Variants in MDGA2 observed in about 807,000 individuals in gnomAD.
MDGA2 encodes MAM domain containing glycosylphosphatidylinositol anchor 2, also known as MAM domain-containing glycosylphosphatidylinositol anchor protein 2.
In MDGA2, 40 loss-of-function variants were observed where a neutral mutation model predicts 117.8. The observed-to-expected ratio is 0.34, with a 90% CI of 0.26 to 0.44. The LOEUF (loss-of-function observed/expected upper bound fraction) is 0.44, where lower values mean the gene tolerates loss of function less well. Among genes scored for constraint, MDGA2 ranks in the 20% least tolerant of loss-of-function variants. The pLI is 1.00. For missense variants in MDGA2, 1,123 were observed against 1,250.6 expected, an observed-to-expected ratio of 0.90 and a Z score of 1.54; for synonymous variants, 452 against 439.0, an observed-to-expected ratio of 1.03 and a Z score of -0.37.
intron 3 of MDGA2, among the ~76,000 whole-genome samples, chr14:47,146,602 G>T (rs2139211610): frequency 6.6e-6 from 1 of 152,158 alleles, no homozygotes; most frequent in South Asian, 2.1e-4. Flanking sequence ...CTTGATAAAA[G>T]ATACTCTGAT....
chr14:47,607,970 T>A (rs1003380607), intron 1 of MDGA2, among the ~76,000 whole-genome samples: 4 of 152,124 alleles, frequency 2.6e-5, no homozygotes, highest in African/African-American at 9.7e-5. Context: ...CTGATAAACT[T>A]ACATTTATTG....
intron 1 of MDGA2, among the ~76,000 whole-genome samples, chr14:47,466,047 GCTCAGCAAA>G (rs1458753585): frequency 6.6e-6 from 1 of 152,068 alleles, no homozygotes; most frequent in Non-Finnish European, 1.5e-5. Flanking sequence ...AGGCTATTAT[GCTCAGCAAA>G]CTAGCACAAG....
intron 6 of MDGA2, among the ~76,000 whole-genome samples, chr14:47,089,776 T>C (rs1195180601): frequency 2.0e-5 from 3 of 151,916 alleles, no homozygotes; most frequent in Admixed American, 6.6e-5. Context: ...CTCCTGATCT[T>C]GTGATCCACC....
intron 1 of MDGA2, among the ~76,000 whole-genome samples, chr14:47,323,081 T>C (rs547153854): frequency 5.6e-5 from 8 of 144,016 alleles, no homozygotes; most frequent in African/African-American, 1.3e-4. Context: ...TTTTAAAGAC[T>C]AACCACCCAT....
chr14:46,928,143 T>C (rs1337668243), intron 9 of MDGA2, among the ~76,000 whole-genome samples: 1 of 152,166 alleles, frequency 6.6e-6, no homozygotes, highest in Non-Finnish European at 1.5e-5. Context: ...GAAATGATTT[T>C]ATTTAAAACA....
chr14:47,356,007 C>T (rs1299882386), intron 1 of MDGA2, among the ~76,000 whole-genome samples: 1 of 152,166 alleles, frequency 6.6e-6, no homozygotes, highest in Non-Finnish European at 1.5e-5. Flanking sequence ...ACTGGGTATA[C>T]ATCAAGAACT....
At chr14:47,592,972 T>C (rs1896469067) in intron 1 of MDGA2, among the ~76,000 whole-genome samples, 1 of 152,020 alleles carries the variant, frequency 6.6e-6, no homozygotes, top group South Asian at 2.1e-4. Flanking sequence ...GGGAGAAAAT[T>C]TTTGCAATCT....
chr14:47,354,902 G>C (rs1407494946), intron 1 of MDGA2, among the ~76,000 whole-genome samples: 2 of 151,986 alleles, frequency 1.3e-5, no homozygotes, highest in Non-Finnish European at 2.9e-5. Flanking sequence ...GTGTGTGGTG[G>C]GCGAGACATT....
At chr14:47,158,635 A>G (rs111370073) in intron 3 of MDGA2, among the ~76,000 whole-genome samples, 153 of 152,078 alleles carry the variant, frequency 1.0e-3, no homozygotes, top group African/African-American at 3.5e-3. Context: ...TTGTATTTGT[A>G]GTAGAGACGG....
At chr14:46,964,783 T>A (rs1292077615) in intron 8 of MDGA2, among the ~76,000 whole-genome samples, 1 of 152,178 alleles carries the variant, frequency 6.6e-6, no homozygotes, top group Non-Finnish European at 1.5e-5. Flanking sequence ...GTTATATTTG[T>A]ATTTGCCTAG....
chr14:47,208,463 C>G (rs17572886), intron 3 of MDGA2, among the ~76,000 whole-genome samples: 11,205 of 151,680 alleles, frequency 0.074, 740 homozygotes, highest in Admixed American at 0.16. Context: ...AACATCCTCC[C>G]TTTTTTATAT....
rs61047014 is a variant in MDGA2 at position 47,270,778 on chromosome 14, TTG to T, written c.420+30631_420+30632del. Among the ~76,000 whole-genome samples the T allele has an allele frequency of 2.2e-3, 336 of 151,922 alleles. 1 individual carries two copies. The highest frequency in any genetic ancestry group is 6.9e-3 in the African/African-American group (288 of 41,460). On this transcript the variant is annotated intron_variant, in intron 2 of 16. Coordinates refer to ENST00000399232, the MANE Select transcript of MDGA2 (RefSeq NM_001113498.3). ...TAGGCTGTATGTAAGCGTGCACTGT[TTG>T]TGTGTGTGTGTGGGCACGTGAGCAC...
chr14:47,006,508 T>C (rs1020819615), intron 8 of MDGA2, among the ~76,000 whole-genome samples: 1 of 149,810 alleles, frequency 6.7e-6, no homozygotes, highest in African/African-American at 2.4e-5. Flanking sequence ...GAATTCCAGT[T>C]TGAATATAAA....
At chr14:47,289,145 A>G (rs899937150) in intron 2 of MDGA2, among the ~76,000 whole-genome samples, 1 of 152,050 alleles carries the variant, frequency 6.6e-6, no homozygotes, top group Non-Finnish European at 1.5e-5. Context: ...ACTCAAGTAA[A>G]TTAATTGTCT....
chr14:47,538,698 T>G (rs147246700), intron 1 of MDGA2, among the ~76,000 whole-genome samples: 3 of 152,300 alleles, frequency 2.0e-5, no homozygotes, highest in Non-Finnish European at 2.9e-5. Context: ...ATATGTTTCT[T>G]TCTTTTTCTC....
chr14:47,643,715 T>C (rs1897471769), intron 1 of MDGA2, among the ~76,000 whole-genome samples: 1 of 152,178 alleles, frequency 6.6e-6, no homozygotes, highest in South Asian at 2.1e-4. Flanking sequence ...TATGTAATAA[T>C]CTTCATTTGA....
chr14:47,507,299 G>C (rs983722174), intron 1 of MDGA2, among the ~76,000 whole-genome samples: 2 of 152,052 alleles, frequency 1.3e-5, no homozygotes, highest in African/African-American at 4.8e-5. Flanking sequence ...GGATTTAGAA[G>C]ACAGAATTAT....
chr14:47,387,820 G>A (rs543833817), intron 1 of MDGA2, among the ~76,000 whole-genome samples: 1 of 152,284 alleles, frequency 6.6e-6, no homozygotes, highest in African/African-American at 2.4e-5. Context: ...TCTCTGGACT[G>A]AGGATACGTT....
At chr14:47,107,820 T>C (rs898984500) in intron 5 of MDGA2, among the ~76,000 whole-genome samples, 5 of 151,206 alleles carry the variant, frequency 3.3e-5, no homozygotes, top group African/African-American at 1.2e-4. Flanking sequence ...CTAGCCCTCA[T>C]GTCTGCGTGC....
Sources: gnomAD v4.1 joint callset for allele counts (sites outside exome capture counted in the v4.1 genomes callset) on GRCh38, gnomAD v4.1.1 for gene constraint, MANE v1.5 for transcripts, NCBI Gene and HGNC (gene_info 2026-07-23, HGNC 2026-07-21) for gene names.